Variants in PHACTR3 observed in about 807,000 individuals in gnomAD.
PHACTR3 encodes the protein protein phosphatase 1, regulatory subunit 123.
Under a neutral mutation model 66.8 loss-of-function variants are expected in PHACTR3, and 16 were observed. The observed-to-expected ratio is 0.24, with a 90% CI of 0.16 to 0.36. The LOEUF (loss-of-function observed/expected upper bound fraction) is 0.36, where lower values mean the gene tolerates loss of function less well. PHACTR3 is among the 10% of genes least tolerant of loss of function. The pLI, the probability that PHACTR3 is intolerant of heterozygous loss-of-function variation, is 1.00. For missense variants in PHACTR3, 647 were observed against 719.9 expected, an observed-to-expected ratio of 0.90 and a Z score of 1.16; for synonymous variants, 323 against 292.1, an observed-to-expected ratio of 1.11 and a Z score of -1.08.
intron 1 of PHACTR3, among the ~76,000 whole-genome samples, chr20:59,717,599 A>G (rs1189420446): frequency 6.6e-6 from 1 of 152,206 alleles, no homozygotes; most frequent in Non-Finnish European, 1.5e-5. Context: ...GTGCATGCTC[A>G]GGGGTGGAGC....
chr20:59,675,167 C>G (rs137920934), intron 1 of PHACTR3, among the ~76,000 whole-genome samples: 15,099 of 115,124 alleles, frequency 0.13, 1,174 homozygotes, highest in Non-Finnish European at 0.17. Context: ...CTTCCCTTCC[C>G]CCTCCTCCCC....
At chr20:59,672,148 A>T (rs757346692) in intron 1 of PHACTR3, among the ~76,000 whole-genome samples, 1 of 152,220 alleles carries the variant, frequency 6.6e-6, no homozygotes, top group East Asian at 1.9e-4. Context: ...TGCCACTGGC[A>T]TCTCATGGGC....
intron 1 of PHACTR3, among the ~76,000 whole-genome samples, chr20:59,665,441 G>A (rs1377647404): frequency 2.6e-5 from 4 of 152,250 alleles, no homozygotes; most frequent in South Asian, 4.1e-4. Context: ...CATCATCTGG[G>A]GATACTTAAA....
At chr20:59,679,975 C>T (rs77149210) in intron 1 of PHACTR3, among the ~76,000 whole-genome samples, 1 of 152,192 alleles carries the variant, frequency 6.6e-6, no homozygotes, top group Non-Finnish European at 1.5e-5. Flanking sequence ...TTAGGGAGTT[C>T]TCATTTCCTT....
At chr20:59,825,443 C>T (rs190220159) in intron 8 of PHACTR3, among the ~76,000 whole-genome samples, 1 of 152,182 alleles carries the variant, frequency 6.6e-6, no homozygotes, top group Non-Finnish European at 1.5e-5. Flanking sequence ...CACTCATTCA[C>T]TCATTCATTC....
chr20:59,648,361 C>G (rs1018068160), intron 1 of PHACTR3, among the ~76,000 whole-genome samples: 5 of 152,156 alleles, frequency 3.3e-5, no homozygotes, highest in African/African-American at 9.7e-5. Context: ...TCTTACTGGC[C>G]TGGAGGTGGT....
At chr20:59,811,488 G>A (rs550651896) in intron 8 of PHACTR3, among the ~76,000 whole-genome samples, 6 of 152,244 alleles carry the variant, frequency 3.9e-5, no homozygotes, top group African/African-American at 1.4e-4. Flanking sequence ...GTGAAACCTC[G>A]TCTCTACTGA....
chr20:59,797,875 G>GC (rs1300022334), intron 7 of PHACTR3, among the ~76,000 whole-genome samples: 1 of 150,948 alleles, frequency 6.6e-6, no homozygotes, highest in Non-Finnish European at 1.5e-5. Flanking sequence ...GGTTTGATTT[G>GC]CTTTTTTTTT....
chr20:59,800,635 G>C (rs2041384613), intron 7 of PHACTR3, among the ~76,000 whole-genome samples: 1 of 152,146 alleles, frequency 6.6e-6, no homozygotes, highest in Admixed American at 6.5e-5. Context: ...CCCAGACACA[G>C]TTTTCTTTAT....
chr20:59,752,348 C>T (rs904956198), intron 3 of PHACTR3, among the ~76,000 whole-genome samples: 4 of 152,232 alleles, frequency 2.6e-5, no homozygotes, highest in Admixed American at 1.3e-4. Context: ...TGCACTGCCC[C>T]GCGCTCCCCT....
intron 1 of PHACTR3, among the ~76,000 whole-genome samples, chr20:59,583,806 AG>A (rs2032933466): frequency 6.6e-6 from 1 of 151,960 alleles, no homozygotes; most frequent in African/African-American, 2.4e-5. Context: ...GGGCAGGGGG[AG>A]TTGCCCTTTG....
At chr20:59,714,320 T>C (rs1191952514) in intron 1 of PHACTR3, among the ~76,000 whole-genome samples, 2 of 152,168 alleles carry the variant, frequency 1.3e-5, no homozygotes, top group Non-Finnish European at 1.5e-5. Context: ...CTTCTAGAAG[T>C]GTTATTTGTT....
intron 1 of PHACTR3, among the ~76,000 whole-genome samples, chr20:59,717,279 G>A (rs1200698317): frequency 1.3e-5 from 2 of 152,134 alleles, no homozygotes; most frequent in African/African-American, 4.8e-5. Flanking sequence ...TTAAATTGAA[G>A]TTTTTATTGA....
chr20:59,664,370 T>C (rs2035916438), intron 1 of PHACTR3, among the ~76,000 whole-genome samples: 3 of 152,160 alleles, frequency 2.0e-5, no homozygotes, highest in Admixed American at 6.5e-5. Context: ...AAGTGAACCT[T>C]GGGCAGCCTA....
chr20:59,628,183 C>T (rs2034526452), intron 1 of PHACTR3: 1 of 152,238 alleles, frequency 6.6e-6, no homozygotes. Flanking sequence ...TCTCTCATGT[C>T]CTCCTCCCAA....
In PHACTR3 at chr20:59,657,787, CTT is replaced by C. The variant is rs564399687; in HGVS notation, c.118+52657_118+52658del. 9.9e-5 allele frequency among the ~76,000 whole-genome samples: 15 copies of C among 152,196 alleles called. No individual in the cohort carries two copies. The South Asian group carries it at 3.1e-3, about 32-fold the overall frequency. On this transcript the variant is annotated intron_variant, in intron 1 of 12. Coordinates refer to ENST00000371015, the MANE Select transcript of PHACTR3 (RefSeq NM_080672.5). Reference sequence around the variant, plus strand: ...TTTTTATGTGCTTGGGTGCAGGTCTCTTTGCATTTATACTATTTAGAATTTGT... The same window carrying C: ...TTTTTATGTGCTTGGGTGCAGGTCTCTGCATTTATACTATTTAGAATTTGT...
At chr20:59,635,201 T>TTTTC (rs2034845325) in intron 1 of PHACTR3, among the ~76,000 whole-genome samples, 1 of 29,312 alleles carries the variant, frequency 3.4e-5, no homozygotes, top group Non-Finnish European at 7.0e-5. Flanking sequence ...TTTCTCTTTC[T>TTTTC]TTCTTTCCTT....
chr20:59,599,776 G>A (rs1020146243), upstream of PHACTR3, among the ~76,000 whole-genome samples: 1 of 152,126 alleles, frequency 6.6e-6, no homozygotes, highest in Admixed American at 6.5e-5. Context: ...CAAACCTGTG[G>A]GAGCCACCTT....
At chr20:59,832,573 C>T (rs1369858698) in intron 8 of PHACTR3, among the ~76,000 whole-genome samples, 4 of 152,126 alleles carry the variant, frequency 2.6e-5, no homozygotes, top group African/African-American at 9.7e-5. Flanking sequence ...TGGAAGAGTC[C>T]GGAGAGTGTT....
Sources: allele counts gnomAD v4.1 joint callset (sites outside exome capture counted in the v4.1 genomes callset), GRCh38; gene constraint gnomAD v4.1.1; transcripts MANE v1.5; gene names NCBI Gene and HGNC (gene_info 2026-07-23, HGNC 2026-07-21).